The following CYP7B1 variants were observed in gnomAD, a reference collection of about 807,000 sequenced individuals.
The protein encoded by CYP7B1 is cytochrome P450 family 7 subfamily B member 1, also known as cytochrome P450 7B1.
A neutral mutation model predicts 42.7 loss-of-function variants in CYP7B1; 29 were observed. That is an observed-to-expected ratio of 0.68 (90% confidence interval 0.51 to 0.93). CYP7B1 has a LOEUF of 0.93. CYP7B1 is among the 40% of genes least tolerant of loss of function. The probability of loss-of-function intolerance (pLI) is 0.00; values close to 1 mark genes in which losing one functional copy is unlikely to be tolerated. For missense variants in CYP7B1, 655 were observed against 600.5 expected (o/e 1.09, Z -0.95); for synonymous variants, 235 against 218.2 (o/e 1.08, Z -0.68).
chr8:64,729,130 C>T (rs543406885), intron 1 of CYP7B1: 4 of 152,204 alleles, frequency 2.6e-5, no homozygotes, highest in Admixed American at 6.5e-5. Flanking sequence ...ACTGCACTCC[C>T]GCCTGGGCAA....
rs534252706 is a variant in CYP7B1, at chr8:64,656,219, A to AAAAC, written c.123-31684_123-31681dup. Among the ~76,000 whole-genome samples the AAAAC allele has an allele frequency of 2.9e-4, 44 of 152,194 alleles. 1 individual carries two copies. The highest frequency in any genetic ancestry group is 7.2e-5 in the African/African-American group (3 of 41,456). On this transcript the variant is annotated intron_variant, in intron 1 of 5. Transcript: ENST00000310193. ...ATAAATAAATCACTACCCTAAATTA[A>AAAAC]AAACAAACAAACAAACAAAAAACAG...
intron 1 of CYP7B1, among the ~76,000 whole-genome samples, chr8:64,744,805 A>T (rs1807619424): frequency 6.6e-6 from 1 of 152,182 alleles, no homozygotes; most frequent in Non-Finnish European, 1.5e-5. Flanking sequence ...TCTATACTGG[A>T]CCTCAGAGGA....
At chr8:64,690,003 A>C (rs1414997168) in intron 1 of CYP7B1, among the ~76,000 whole-genome samples, 1 of 152,198 alleles carries the variant, frequency 6.6e-6, no homozygotes, top group Non-Finnish European at 1.5e-5. Flanking sequence ...CTCTTTTCCT[A>C]ATTTTAAAAG....
intron 2 of CYP7B1, among the ~76,000 whole-genome samples, chr8:64,617,791 T>A (rs1805470184): frequency 6.6e-6 from 1 of 151,934 alleles, no homozygotes; most frequent in African/African-American, 2.4e-5. Flanking sequence ...GTGCAAGATA[T>A]TTCAAATAAA....
At chr8:64,795,422 T>C (rs1205355258) in intron 1 of CYP7B1, among the ~76,000 whole-genome samples, 2 of 152,240 alleles carry the variant, frequency 1.3e-5, no homozygotes, top group Admixed American at 1.3e-4. Context: ...CAACTTGTTC[T>C]TGCTTTAATT....
chr8:64,588,393 G>C (rs1252036666), downstream of CYP7B1, among the ~76,000 whole-genome samples: 1 of 152,150 alleles, frequency 6.6e-6, no homozygotes. Context: ...AAAGTTCAGA[G>C]ATATTTAAAG....
intron 1 of CYP7B1, among the ~76,000 whole-genome samples, chr8:64,768,981 A>G (rs577455175): frequency 6.6e-6 from 1 of 152,154 alleles, no homozygotes; most frequent in East Asian, 1.9e-4. Flanking sequence ...TGGATCACCC[A>G]CCCCATCATA....
rs536795747 is a variant in CYP7B1, at chr8:64,593,124, T to A, written c.*3518A>T. Among the ~76,000 whole-genome samples, 39 of 152,180 alleles carry A rather than the reference T, an allele frequency of 2.6e-4. No individual in the cohort carries two copies. The highest frequency in any genetic ancestry group is 5.0e-4 in the Non-Finnish European group (34 of 68,038). On this transcript the variant is annotated 3_prime_UTR_variant, in exon 6 of 6. Transcript: ENST00000310193. ...AACATCACAAAAGTGTACCACTAAG[T>A]TGAATTTAAAGCTATGGAACTTCCA...
At chr8:64,794,242 T>C (rs989807385) in intron 1 of CYP7B1, among the ~76,000 whole-genome samples, 2 of 152,148 alleles carry the variant, frequency 1.3e-5, no homozygotes, top group African/African-American at 2.4e-5. Flanking sequence ...ACCCCTCAAA[T>C]TCTTGGCCAA....
chr8:64,701,521 T>C (rs1191230711), intron 1 of CYP7B1, among the ~76,000 whole-genome samples: 2 of 152,114 alleles, frequency 1.3e-5, no homozygotes, highest in African/African-American at 2.4e-5. Flanking sequence ...CAGGGTGTGA[T>C]ATTACCATGT....
chr8:64,665,557 T>G (rs376470510), intron 1 of CYP7B1, among the ~76,000 whole-genome samples: 109 of 112,104 alleles, frequency 9.7e-4, no homozygotes, highest in East Asian at 2.1e-3. Flanking sequence ...TTTTTTTTGG[T>G]GGTTTTTTTT....
chr8:64,679,730 T>A (rs1256905028), intron 1 of CYP7B1, among the ~76,000 whole-genome samples: 1 of 152,150 alleles, frequency 6.6e-6, no homozygotes, highest in Non-Finnish European at 1.5e-5. Flanking sequence ...TATTGAAATA[T>A]GATTGACATA....
chr8:64,744,192 A>C (rs1045745797), intron 1 of CYP7B1, among the ~76,000 whole-genome samples: 4 of 152,182 alleles, frequency 2.6e-5, no homozygotes, highest in African/African-American at 9.7e-5. Flanking sequence ...GAAGAATGAA[A>C]TATTGTCTGT....
At chr8:64,701,224 G>A (rs1345171260) in intron 1 of CYP7B1, among the ~76,000 whole-genome samples, 1 of 151,998 alleles carries the variant, frequency 6.6e-6, no homozygotes, top group Non-Finnish European at 1.5e-5. Context: ...TCGAGGCATG[G>A]TGTTAACCTG....
chr8:64,593,169 C>G lies in CYP7B1; in HGVS notation c.*3473G>C, dbSNP rs960423645. ...CTTCCACTTTAGGCAACATGGCGAACTAGACGTCCAAGTACGAAAAGGACA... is the reference window on the plus strand; with the variant it reads ...CTTCCACTTTAGGCAACATGGCGAAGTAGACGTCCAAGTACGAAAAGGACA... On this transcript the variant is annotated 3_prime_UTR_variant, in exon 6 of 6. Coordinates refer to ENST00000310193, the MANE Select transcript of CYP7B1 (RefSeq NM_004820.5). Among the ~76,000 whole-genome samples the G allele has an allele frequency of 6.6e-6, 1 of 150,832 alleles. No individual in the cohort carries two copies. Among genetic ancestry groups the G allele is most frequent in the Admixed American group, 6.6e-5 (1 of 15,062 alleles).
At chr8:64,673,508 C>A (rs1313035794) in intron 1 of CYP7B1, among the ~76,000 whole-genome samples, 2 of 152,082 alleles carry the variant, frequency 1.3e-5, no homozygotes, top group African/African-American at 4.8e-5. Context: ...ATAGCCATGT[C>A]CTGGGAGCAA....
At chr8:64,753,055 G>A (rs1476901579) in intron 1 of CYP7B1, among the ~76,000 whole-genome samples, 1 of 152,072 alleles carries the variant, frequency 6.6e-6, no homozygotes, top group Non-Finnish European at 1.5e-5. Flanking sequence ...CAAATATGAA[G>A]ATTTTCCTGT....
intron 1 of CYP7B1, among the ~76,000 whole-genome samples, chr8:64,762,084 T>A (rs143875106): frequency 6.6e-6 from 1 of 152,178 alleles, no homozygotes; most frequent in East Asian, 1.9e-4. Flanking sequence ...GCACAGAACA[T>A]ACACACTCAG....
chr8:64,623,388 G>A lies in CYP7B1; in HGVS notation c.259+1015C>T, dbSNP rs931210616. ...AAACTTTTCTTGAGGATGAAAGACC[G>A]TGTGGAAAGGCAGCCCACCCAGGTA... On this transcript the variant is annotated intron_variant, in intron 2 of 5. Transcript: ENST00000310193. Among the ~76,000 whole-genome samples, 103 of 152,202 alleles carry A rather than the reference G, an allele frequency of 6.8e-4. 1 individual carries two copies. The highest frequency in any genetic ancestry group is 9.2e-4 in the Admixed American group (14 of 15,284).
Sources: allele counts gnomAD v4.1 joint callset (sites outside exome capture counted in the v4.1 genomes callset), GRCh38; gene constraint gnomAD v4.1.1; transcripts MANE v1.5; gene names NCBI Gene and HGNC (gene_info 2026-07-23, HGNC 2026-07-21).